Variants in UBASH3B observed in about 807,000 individuals in gnomAD.
UBASH3B encodes the protein ubiquitin associated and SH3 domain containing B.
A neutral mutation model predicts 83.4 loss-of-function variants in UBASH3B; 37 were observed. That is an observed-to-expected ratio of 0.44 (90% CI 0.34 to 0.58). The LOEUF (loss-of-function observed/expected upper bound fraction) is 0.58, where lower values mean the gene tolerates loss of function less well. Ranked by LOEUF, UBASH3B falls within the 20% of genes least tolerant of loss-of-function variation. The probability of loss-of-function intolerance (pLI) is 0.01; values close to 1 mark genes in which losing one functional copy is unlikely to be tolerated. For synonymous variants in UBASH3B, 304 were observed against 318.3 expected (o/e 0.96, Z 0.48); for missense variants, 657 against 827.2 (o/e 0.79, Z 2.52).
intron 5 of UBASH3B, among the ~76,000 whole-genome samples, chr11:122,784,773 C>T (rs1165583390): frequency 6.6e-6 from 1 of 152,134 alleles, no homozygotes; most frequent in African/African-American, 2.4e-5. Context: ...TAAGCATGCG[C>T]CTGTGAGTGT....
At chr11:122,738,621 G>A (rs971198387) in intron 1 of UBASH3B, among the ~76,000 whole-genome samples, 16 of 152,320 alleles carry the variant, frequency 1.1e-4, no homozygotes, top group African/African-American at 3.6e-4. Flanking sequence ...AGGCACAGTG[G>A]CTCACGCCTG....
chr11:122,741,616 T>C (rs1400517916), intron 1 of UBASH3B, among the ~76,000 whole-genome samples: 2 of 152,126 alleles, frequency 1.3e-5, no homozygotes, highest in African/African-American at 2.4e-5. Flanking sequence ...GCCGAGACAT[T>C]TGCGTTATGA....
intron 1 of UBASH3B, among the ~76,000 whole-genome samples, chr11:122,768,470 A>ATGTGTGTGTGTGTGTGTGTGTG (rs568912747): frequency 2.1e-5 from 3 of 140,142 alleles, no homozygotes; most frequent in East Asian, 2.1e-4. Flanking sequence ...ATATATATGT[A>ATGTGTGTGTGTGTGTGTGTGTG]TGTGTGTGTG....
intron 1 of UBASH3B, among the ~76,000 whole-genome samples, chr11:122,730,543 A>C (rs1860825156): frequency 6.6e-6 from 1 of 151,840 alleles, no homozygotes; most frequent in African/African-American, 2.4e-5. Context: ...ACATCGCTGC[A>C]CAACTGAGCT....
intron 1 of UBASH3B, among the ~76,000 whole-genome samples, chr11:122,755,368 CTG>C (rs1861267140): frequency 6.6e-6 from 1 of 152,146 alleles, no homozygotes; most frequent in Non-Finnish European, 1.5e-5. Context: ...TTATAGCCTT[CTG>C]TGGAAAAGAC....
At chr11:122,714,957 G>GT (rs1860484804) in intron 1 of UBASH3B, among the ~76,000 whole-genome samples, 1 of 152,106 alleles carries the variant, frequency 6.6e-6, no homozygotes, top group Non-Finnish European at 1.5e-5. Context: ...TGTTCTTGTT[G>GT]TTTTTTGAGA....
intron 1 of UBASH3B, among the ~76,000 whole-genome samples, chr11:122,660,901 G>C (rs543304221): frequency 7.7e-4 from 117 of 152,206 alleles, no homozygotes; most frequent in Admixed American, 2.6e-3. Context: ...GCTTCTGAAT[G>C]ATATCTGCAC....
At chr11:122,690,167 CAT>C (rs57203901) in intron 1 of UBASH3B, among the ~76,000 whole-genome samples, 937 of 43,514 alleles carry the variant, frequency 0.022, 10 homozygotes, top group Admixed American at 0.031. Flanking sequence ...GGCAGGAAAA[CAT>C]ATATATATAT....
At chr11:122,694,818 C>T (rs972067083) in intron 1 of UBASH3B, among the ~76,000 whole-genome samples, 1 of 152,000 alleles carries the variant, frequency 6.6e-6, no homozygotes, top group Admixed American at 6.6e-5. Context: ...TAGTGTGCCA[C>T]AGTGGATTTG....
intron 1 of UBASH3B, among the ~76,000 whole-genome samples, chr11:122,686,930 C>A (rs770426667): frequency 6.6e-6 from 1 of 151,504 alleles, no homozygotes; most frequent in Non-Finnish European, 1.5e-5. Context: ...TACAGTGGTG[C>A]GGTCTGGGCT....
intron 1 of UBASH3B, among the ~76,000 whole-genome samples, chr11:122,700,161 C>T (rs1197550560): frequency 6.6e-6 from 1 of 152,134 alleles, no homozygotes; most frequent in African/African-American, 2.4e-5. Context: ...GGGAGCAGCA[C>T]CGCTGTTGGA....
chr11:122,749,043 G>A (rs945159579), intron 1 of UBASH3B, among the ~76,000 whole-genome samples: 1 of 152,236 alleles, frequency 6.6e-6, no homozygotes, highest in Non-Finnish European at 1.5e-5. Context: ...GACCTGGAGA[G>A]GTCCCAGCAC....
intron 6 of UBASH3B, among the ~76,000 whole-genome samples, chr11:122,794,122 G>C (rs944504235): frequency 1.3e-5 from 2 of 152,150 alleles, no homozygotes; most frequent in African/African-American, 2.4e-5. Context: ...AAAATCACTA[G>C]GATCCATCCC....
At chr11:122,740,252 G>C (rs2135959514) in intron 1 of UBASH3B, among the ~76,000 whole-genome samples, 1 of 152,328 alleles carries the variant, frequency 6.6e-6, no homozygotes, top group South Asian at 2.1e-4. Flanking sequence ...CTATCATGCA[G>C]GTGGGAATTG....
At chr11:122,734,264 C>T (rs914662332) in intron 1 of UBASH3B, among the ~76,000 whole-genome samples, 1 of 152,140 alleles carries the variant, frequency 6.6e-6, no homozygotes, top group African/African-American at 2.4e-5. Flanking sequence ...GGGCTGATAG[C>T]CTGGTGATCA....
intron 1 of UBASH3B, among the ~76,000 whole-genome samples, chr11:122,703,296 G>A (rs916509581): frequency 3.9e-5 from 6 of 151,944 alleles, no homozygotes; most frequent in Non-Finnish European, 8.8e-5. Context: ...GCGTGGTGGT[G>A]GGTGCCTGTA....
At chr11:122,729,413 C>G (rs956745972) in intron 1 of UBASH3B, among the ~76,000 whole-genome samples, 5 of 152,084 alleles carry the variant, frequency 3.3e-5, no homozygotes, top group African/African-American at 1.2e-4. Context: ...TTCATTGGCC[C>G]TGATTCAAAC....
At chr11:122,807,818 T>G (rs1565574617) in intron 12 of UBASH3B, among the ~76,000 whole-genome samples, 1 of 152,198 alleles carries the variant, frequency 6.6e-6, no homozygotes, top group Non-Finnish European at 1.5e-5. Context: ...TCTCTCAAAA[T>G]TACTGGGATT....
chr11:122,790,900 G>C (rs1861041762), intron 6 of UBASH3B, among the ~76,000 whole-genome samples: 2 of 151,748 alleles, frequency 1.3e-5, no homozygotes, highest in African/African-American at 4.8e-5. Flanking sequence ...GCAGTGAGCT[G>C]AGATCACGCA....
Sources: allele counts gnomAD v4.1 joint callset (sites outside exome capture counted in the v4.1 genomes callset), GRCh38; gene constraint gnomAD v4.1.1; transcripts MANE v1.5; gene names NCBI Gene and HGNC (gene_info 2026-07-23, HGNC 2026-07-21).